TRAK1: variants seen among roughly 807,000 people sequenced by gnomAD.
The protein encoded by TRAK1 is trafficking kinesin protein 1.
In TRAK1, 33 loss-of-function variants were observed where a neutral mutation model predicts 92.1. The ratio of observed to expected loss-of-function variants is 0.36; its 90% confidence interval spans 0.27 to 0.48. The LOEUF is 0.48. TRAK1 is among the 20% of genes least tolerant of loss of function. The probability of loss-of-function intolerance (pLI) is 0.99; values close to 1 mark genes in which losing one functional copy is unlikely to be tolerated. For synonymous variants in TRAK1, 521 were observed against 517.3 expected, an observed-to-expected ratio of 1.01 and a Z score of -0.10; for missense variants, 1,123 against 1,257.9, an observed-to-expected ratio of 0.89 and a Z score of 1.62.
intron 13 of TRAK1, chr3:42,203,356 G>A (rs1239020979): frequency 1.0e-6 from 1 of 986,702 alleles, no homozygotes; most frequent in African/African-American, 1.7e-5. Context: ...GGGTGGCTGT[G>A]GAGACAAGTG....
At chr3:42,149,984 TG>T (rs1699773101) in intron 2 of TRAK1, among the ~76,000 whole-genome samples, 1 of 152,118 alleles carries the variant, frequency 6.6e-6, no homozygotes, top group Non-Finnish European at 1.5e-5. Flanking sequence ...GATAGGAAAC[TG>T]GGGGCTTGGA....
intron 3 of TRAK1, among the ~76,000 whole-genome samples, chr3:42,180,389 T>C (rs1203780209): frequency 1.3e-5 from 2 of 152,162 alleles, no homozygotes; most frequent in East Asian, 3.9e-4. Context: ...TCCAGACACT[T>C]TGGGAGGCTG....
chr3:42,052,462 G>A (rs1410836339), intron 1 of TRAK1, among the ~76,000 whole-genome samples: 1 of 152,252 alleles, frequency 6.6e-6, no homozygotes, highest in East Asian at 1.9e-4. Context: ...TAGCCTGGAA[G>A]GAGGGAACAG....
chr3:42,126,926 G>T (rs1710635568), intron 2 of TRAK1, among the ~76,000 whole-genome samples: 1 of 152,152 alleles, frequency 6.6e-6, no homozygotes, highest in African/African-American at 2.4e-5. Context: ...GAATACTGCA[G>T]ATAATCAGTT....
chr3:42,053,220 T>C (rs925244886), intron 1 of TRAK1, among the ~76,000 whole-genome samples: 1 of 152,200 alleles, frequency 6.6e-6, no homozygotes. Context: ...TCTGGCTGAC[T>C]TTTCTCTAAT....
chr3:42,104,001 A>G (rs1707171231), intron 1 of TRAK1, among the ~76,000 whole-genome samples: 1 of 152,172 alleles, frequency 6.6e-6, no homozygotes, highest in African/African-American at 2.4e-5. Context: ...GTCTTAGCAA[A>G]TAGCACACCA....
chr3:42,112,135 CTTTTTTTTTT>C (rs1223261204), intron 1 of TRAK1, among the ~76,000 whole-genome samples: 2 of 71,066 alleles, frequency 2.8e-5, no homozygotes, highest in Admixed American at 3.7e-4. Context: ...TCAGCTCTTA[CTTTTTTTTTT>C]TTTTTTTTTT....
At chr3:42,082,789 T>C (rs1377978913), upstream of TRAK1, among the ~76,000 whole-genome samples, 2 of 152,240 alleles carry the variant, frequency 1.3e-5, no homozygotes, top group African/African-American at 4.8e-5. Flanking sequence ...AGAATATGTC[T>C]AAGTACAAGT....
chr3:42,193,286 G>A, intron 8 of TRAK1, 81 bp downstream of exon 8: 1 of 1,563,646 alleles, frequency 6.4e-7, no homozygotes, highest in South Asian at 1.2e-5. Context: ...AGAAGACAGT[G>A]CTCTTTAGTT....
chr3:42,187,706 A>C (rs1412335324), intron 4 of TRAK1, among the ~76,000 whole-genome samples: 1 of 152,030 alleles, frequency 6.6e-6, no homozygotes, highest in Admixed American at 6.6e-5. Flanking sequence ...ACTTCAGATG[A>C]TCTGCCTGCC....
At chr3:42,070,843 T>A (rs866184019) in intron 1 of TRAK1, among the ~76,000 whole-genome samples, 4 of 152,368 alleles carry the variant, frequency 2.6e-5, no homozygotes, top group Middle Eastern at 3.4e-3. Context: ...AGTGGTGAAA[T>A]AAGAATACAG....
At chr3:42,174,093 G>T (rs1702893689) in intron 2 of TRAK1, among the ~76,000 whole-genome samples, 1 of 152,068 alleles carries the variant, frequency 6.6e-6, no homozygotes, top group Admixed American at 6.5e-5. Flanking sequence ...CTTAGTAAAG[G>T]TCAGCTCACT....
intron 1 of TRAK1, among the ~76,000 whole-genome samples, chr3:42,033,635 C>T (rs1442494642): frequency 6.6e-6 from 1 of 152,044 alleles, no homozygotes; most frequent in Non-Finnish European, 1.5e-5. Flanking sequence ...GGTCCTTAGC[C>T]TATGAGCCAC....
In TRAK1 at chr3:42,148,916, A is replaced by G. The variant is rs569219947; in HGVS notation, c.286+23302A>G. 3.3e-5 allele frequency among the ~76,000 whole-genome samples: 5 copies of G among 152,272 alleles called. No homozygotes were observed. The East Asian group carries it at 5.8e-4, about 18-fold the overall frequency. On this transcript the variant is annotated intron_variant, in intron 2 of 15. Transcript: ENST00000327628. ...ATTTCAAATCCAGAGTCTTCTTTCT[A>G]TCGTGACCCAAAGTAGGGTGAATAA...
intron 2 of TRAK1, among the ~76,000 whole-genome samples, chr3:42,127,896 A>C (rs1318947951): frequency 6.6e-6 from 1 of 152,124 alleles, no homozygotes; most frequent in African/African-American, 2.4e-5. Context: ...AGTAGACTTG[A>C]GGCCGGGCGT....
chr3:42,066,023 C>G (rs946785981), intron 1 of TRAK1, among the ~76,000 whole-genome samples: 2 of 152,168 alleles, frequency 1.3e-5, no homozygotes, highest in African/African-American at 2.4e-5. Context: ...CAGAACAAAC[C>G]CCTATTAAAG....
intron 2 of TRAK1, among the ~76,000 whole-genome samples, chr3:42,148,253 G>A (rs1316516450): frequency 2.0e-5 from 3 of 152,138 alleles, no homozygotes; most frequent in Non-Finnish European, 4.4e-5. Context: ...CGTTTAGTGG[G>A]TAGGCACCAG....
At chr3:42,120,259 ATG>A (rs1015230831) in intron 1 of TRAK1, among the ~76,000 whole-genome samples, 2 of 152,092 alleles carry the variant, frequency 1.3e-5, no homozygotes, top group East Asian at 1.9e-4. Flanking sequence ...ACCTGAAGCC[ATG>A]GACCTTTGGG....
In TRAK1 at chr3:42,118,343, C is replaced by T. The variant is rs369792174; in HGVS notation, c.92-7077C>T. 1.0e-3 allele frequency among the ~76,000 whole-genome samples: 157 copies of T among 151,978 alleles called. 3 individuals are homozygous for T. In the South Asian group the frequency reaches 0.031, roughly 30 times the overall value. On this transcript the variant is annotated intron_variant, in intron 1 of 15. Coordinates refer to ENST00000327628, the MANE Select transcript of TRAK1 (RefSeq NM_001042646.3). Reference sequence around the variant, plus strand: ...CTGACCTCAAGTGATCTGCCCGCCTCGGCCTCCCAAAGTGCTGGGATTATA... The same window carrying T: ...CTGACCTCAAGTGATCTGCCCGCCTTGGCCTCCCAAAGTGCTGGGATTATA...
Sources: allele counts gnomAD v4.1 joint callset (sites outside exome capture counted in the v4.1 genomes callset), GRCh38; gene constraint gnomAD v4.1.1; transcripts MANE v1.5; gene names NCBI Gene and HGNC (gene_info 2026-07-23, HGNC 2026-07-21).